MVB12B: variants seen among roughly 807,000 people sequenced by gnomAD.
MVB12B encodes multivesicular body subunit 12B, also known as ESCRT-I complex subunit MVB12B.
MVB12B carries 16 observed loss-of-function variants against 41.6 expected under a neutral mutation model. The observed-to-expected ratio is 0.38, with a 90% CI of 0.26 to 0.58. MVB12B has a LOEUF of 0.58. Ranked by LOEUF, MVB12B falls within the 20% of genes least tolerant of loss-of-function variation. MVB12B has a pLI of 0.62. For missense variants in MVB12B, 274 were observed against 380.2 expected, an observed-to-expected ratio of 0.72 and a Z score of 2.32; for synonymous variants, 133 against 139.7, an observed-to-expected ratio of 0.95 and a Z score of 0.34.
At chr9:126,437,810 C>T (rs544789344) in intron 7 of MVB12B, among the ~76,000 whole-genome samples, 84 of 152,170 alleles carry the variant, frequency 5.5e-4, no homozygotes, top group Admixed American at 9.8e-4. Flanking sequence ...TTCCAGATGG[C>T]GTGTACTGAT....
chr9:126,381,536 T>C (rs1160897216), intron 3 of MVB12B, among the ~76,000 whole-genome samples: 2 of 152,170 alleles, frequency 1.3e-5, no homozygotes, highest in Admixed American at 1.3e-4. Flanking sequence ...GCAGCATGGC[T>C]CAGGGAGGGC....
At chr9:126,394,687 C>T (rs1178257701) in intron 5 of MVB12B, among the ~76,000 whole-genome samples, 6 of 152,188 alleles carry the variant, frequency 3.9e-5, no homozygotes, top group Non-Finnish European at 5.9e-5. Flanking sequence ...GAAATCAGTG[C>T]AGTTCATTGG....
intron 9 of MVB12B, among the ~76,000 whole-genome samples, chr9:126,500,282 G>T (rs1833926667): frequency 6.6e-6 from 1 of 152,212 alleles, no homozygotes; most frequent in Non-Finnish European, 1.5e-5. Context: ...CTGGCTCTGG[G>T]CTTTCTCCCT....
intron 6 of MVB12B, among the ~76,000 whole-genome samples, chr9:126,420,260 TTAGCAG>T (rs1353838579): frequency 4.0e-5 from 6 of 150,010 alleles, no homozygotes; most frequent in Non-Finnish European, 7.5e-5. Context: ...GTACCCTTAG[TTAGCAG>T]CAGTAACAAA....
chr9:126,359,061 AT>A lies in MVB12B; in HGVS notation c.204+18445del, dbSNP rs1164062424. On this transcript the variant is annotated intron_variant, in intron 2 of 9. Coordinates refer to ENST00000361171, the MANE Select transcript of MVB12B (RefSeq NM_033446.3). ...TATGGATTTTCTCTTTTTAATTTTA[AT>A]TTTTTTTTTTTTTATGGAGACAGGG... Among the ~76,000 whole-genome samples, 354 of 144,286 alleles carry A rather than the reference AT, an allele frequency of 2.5e-3. 1 individual carries two copies. Among genetic ancestry groups the A allele is most frequent in the East Asian group, 0.014 (72 of 4,992 alleles). 94.7% of individuals were successfully genotyped at this position (144,286 alleles called of 152,430 possible). A position where few individuals can be genotyped will look rare whatever the true frequency, so the allele number is the denominator to read the frequency against.
chr9:126,402,903 G>A (rs4837076), intron 6 of MVB12B, among the ~76,000 whole-genome samples: 44,502 of 152,138 alleles, frequency 0.29, 7,203 homozygotes, highest in East Asian at 0.55. Flanking sequence ...GAGCACGGAC[G>A]TCAGCACGGG....
At chr9:126,483,194 G>A (rs1279010256) in intron 8 of MVB12B, among the ~76,000 whole-genome samples, 2 of 152,128 alleles carry the variant, frequency 1.3e-5, no homozygotes, top group African/African-American at 2.4e-5. Context: ...TGCCCAGTAG[G>A]GACTCAGACC....
intron 8 of MVB12B, 118 bp downstream of exon 8, chr9:126,481,542 G>A (rs972046446): frequency 2.2e-5 from 17 of 777,470 alleles, no homozygotes; most frequent in Non-Finnish European, 3.4e-5. Flanking sequence ...TTCCCCTACC[G>A]GAATCTTGTC....
chr9:126,421,995 G>GGC, intron 7 of MVB12B, 47 bp downstream of exon 7: 1 of 1,387,540 alleles, frequency 7.2e-7, no homozygotes, highest in Non-Finnish European at 1.0e-6. Context: ...CTGTGTCCCG[G>GGC]GCGCCACCTC....
chr9:126,503,329 CCCGCCTCCTCCTG>C lies in MVB12B; in HGVS notation c.*75_*87del, dbSNP rs1283571766. 2.6e-5 allele frequency: 34 copies of C among 1,327,266 alleles called. No individual in the cohort carries two copies. The highest frequency in any genetic ancestry group is 4.1e-4 in the Middle Eastern group (2 of 4,886). 82.2% of individuals were successfully genotyped at this position (1,327,266 alleles called of 1,614,324 possible). ...ACTACTGACGGCAGGGGCTGCTGCC[CCCGCCTCCTCCTG>C]CCGCCTCCGCCAGCCCTCCCTCCCA... On this transcript the variant is annotated 3_prime_UTR_variant, in exon 10 of 10. Coordinates refer to ENST00000361171, the MANE Select transcript of MVB12B (RefSeq NM_033446.3).
At position 126,421,901 on chromosome 9, in the gene MVB12B, C is replaced by T; in HGVS notation, c.710C>T (p.Thr237Ile). ...GCCACCTTCCGAGGCAGGAACAGCA[C>T]CCGGACGGACTACGAGTACCAGCAC... ...LPATFRGRNSTRTDYEYQHSN... is the reference protein window; with the variant it reads ...LPATFRGRNSIRTDYEYQHSN... The change falls in exon 7 of 10, where the codon ACC (threonine) becomes ATC (isoleucine). Residue 237 changes from threonine (T) to isoleucine (I), a missense_variant. Coordinates refer to ENST00000361171, the MANE Select transcript of MVB12B (RefSeq NM_033446.3). 1.9e-6 allele frequency: 3 copies of T among 1,614,084 alleles called. No homozygotes were observed. The highest frequency in any genetic ancestry group is 2.5e-6 in the Non-Finnish European group (3 of 1,180,004).
chr9:126,336,031 G>A (rs1829264912), intron 1 of MVB12B, among the ~76,000 whole-genome samples: 1 of 152,280 alleles, frequency 6.6e-6, no homozygotes, highest in Non-Finnish European at 1.5e-5. Flanking sequence ...GGCCGAGATG[G>A]TGGGAGGCTG....
At chr9:126,500,167 C>A (rs190391456) in intron 9 of MVB12B, among the ~76,000 whole-genome samples, 1 of 151,978 alleles carries the variant, frequency 6.6e-6, no homozygotes, top group African/African-American at 2.4e-5. Flanking sequence ...GCACTCCCTG[C>A]CACCCCCAGG....
chr9:126,488,500 G>A (rs7859897), intron 9 of MVB12B, among the ~76,000 whole-genome samples: 148,538 of 152,246 alleles, frequency 0.98, 72,573 homozygotes, highest in Middle Eastern at 1. Flanking sequence ...GCATCCAGGG[G>A]GAGGCTGCTC....
At chr9:126,329,935 G>A (rs777324425) in intron 1 of MVB12B, among the ~76,000 whole-genome samples, 5 of 88,044 alleles carry the variant, frequency 5.7e-5, no homozygotes, top group African/African-American at 2.2e-4. Context: ...CCCCAACCCC[G>A]GCTCTCCTTG....
At chr9:126,454,521 C>T (rs911554737) in intron 7 of MVB12B, among the ~76,000 whole-genome samples, 1 of 152,238 alleles carries the variant, frequency 6.6e-6, no homozygotes, top group African/African-American at 2.4e-5. Context: ...TGGCCTGGGG[C>T]TGGGCGAGTA....
At chr9:126,488,570 C>CCA (rs1833670329) in intron 9 of MVB12B, among the ~76,000 whole-genome samples, 1 of 152,102 alleles carries the variant, frequency 6.6e-6, no homozygotes, top group Non-Finnish European at 1.5e-5. Flanking sequence ...GAAGGGGGGT[C>CCA]CACCCATTTA....
At position 126,501,915 on chromosome 9, in the gene MVB12B, C is replaced by T. The variant is rs1479817434; in HGVS notation, c.874-1262C>T. 2.6e-5 allele frequency among the ~76,000 whole-genome samples: 4 copies of T among 152,048 alleles called. No homozygotes were observed. In the East Asian group the frequency reaches 7.8e-4, roughly 30 times the overall value. Reference sequence around the variant, plus strand: ...CCAGGGCCCTCCCTGGGGCTGGGTGCAGTGCTCCGCCTCCTGCTGGGGCGA... The same window carrying T: ...CCAGGGCCCTCCCTGGGGCTGGGTGTAGTGCTCCGCCTCCTGCTGGGGCGA... On this transcript the variant is annotated intron_variant, in intron 9 of 9. Coordinates refer to ENST00000361171, the MANE Select transcript of MVB12B (RefSeq NM_033446.3).
intron 9 of MVB12B, among the ~76,000 whole-genome samples, chr9:126,497,190 T>TG (rs1833855076): frequency 6.6e-6 from 1 of 152,104 alleles, no homozygotes; most frequent in South Asian, 2.1e-4. Flanking sequence ...TGGCTGGAAG[T>TG]GGGGGGCCCT....
Sources: gnomAD v4.1 joint callset for allele counts (sites outside exome capture counted in the v4.1 genomes callset) on GRCh38, gnomAD v4.1.1 for gene constraint, MANE v1.5 for transcripts, NCBI Gene and HGNC (gene_info 2026-07-23, HGNC 2026-07-21) for gene names.